Variants in ABI3BP observed in about 807,000 individuals in gnomAD.
ABI3BP encodes target of Nesh-SH3.
In ABI3BP, 216 loss-of-function variants were observed where a neutral mutation model predicts 268.6. The observed-to-expected ratio is 0.80, with a 90% CI of 0.72 to 0.90. ABI3BP has a LOEUF of 0.90. ABI3BP is among the 40% of genes least tolerant of loss of function. The pLI is 0.00. For synonymous variants in ABI3BP, 730 were observed against 730.0 expected, an observed-to-expected ratio of 1.00 and a Z score of 0.00; for missense variants, 2,090 against 2,182.4, an observed-to-expected ratio of 0.96 and a Z score of 0.84.
chr3:100,818,676 A>G, intron 40 of ABI3BP, 95 bp from the exon 41 acceptor site: 1 of 1,037,076 alleles, frequency 9.6e-7, no homozygotes, highest in African/African-American at 1.6e-5. Context: ...AATTTTAAGA[A>G]ATTTTCTGAA....
Position 100,865,664 on chromosome 3 carries a change from G to T in ABI3BP, c.989-757C>A, listed in dbSNP as rs550318464. On this transcript the variant is annotated intron_variant, in intron 10 of 67. Transcript: ENST00000471714. ...CAATAACCCTGAGTAATAAGTTGTG[G>T]TGTTTTCCTAAGTGTTTCTGAAGTG... Among the ~76,000 whole-genome samples the T allele has an allele frequency of 6.1e-4, 93 of 152,300 alleles. 2 individuals are homozygous for T. The South Asian group carries it at 0.019, about 31-fold the overall frequency.
chr3:100,845,086 TGA>T (rs1471928398), intron 20 of ABI3BP, among the ~76,000 whole-genome samples: 1 of 152,204 alleles, frequency 6.6e-6, no homozygotes, highest in Non-Finnish European at 1.5e-5. Flanking sequence ...ATAATTCATT[TGA>T]GAGAAACCTT....
chr3:100,977,536 C>G (rs1453108519), intron 1 of ABI3BP, among the ~76,000 whole-genome samples: 2 of 152,182 alleles, frequency 1.3e-5, no homozygotes, highest in Non-Finnish European at 2.9e-5. Flanking sequence ...AATCTAAGCC[C>G]TTCACCTTGT....
At chr3:100,886,739 C>T (rs893289257) in intron 4 of ABI3BP, among the ~76,000 whole-genome samples, 5 of 151,638 alleles carry the variant, frequency 3.3e-5, no homozygotes, top group Non-Finnish European at 7.4e-5. Context: ...GCTTTTTCAT[C>T]CATGAAGGAT....
intron 15 of ABI3BP, among the ~76,000 whole-genome samples, chr3:100,851,215 A>G (rs2098834059): frequency 6.6e-6 from 1 of 152,340 alleles, no homozygotes; most frequent in Admixed American, 6.5e-5. Flanking sequence ...TTTGATAAAC[A>G]TTTGCTGAAA....
intron 4 of ABI3BP, among the ~76,000 whole-genome samples, chr3:100,888,342 C>T (rs181442795): frequency 1.1e-3 from 161 of 152,162 alleles, no homozygotes; most frequent in African/African-American, 3.4e-3. Context: ...TTGACAAATA[C>T]GCTGCATGAA....
At chr3:100,784,922 T>C (rs1279572744) in intron 57 of ABI3BP, among the ~76,000 whole-genome samples, 4 of 152,104 alleles carry the variant, frequency 2.6e-5, no homozygotes, top group Admixed American at 2.6e-4. Context: ...AAACTACAAC[T>C]TATTAGGTAC....
At chr3:100,969,973 T>C (rs555826775) in intron 1 of ABI3BP, among the ~76,000 whole-genome samples, 5 of 152,318 alleles carry the variant, frequency 3.3e-5, no homozygotes, top group Non-Finnish European at 7.4e-5. Context: ...AATTTCATGT[T>C]ACATAGGAGT....
chr3:100,919,322 T>A (rs1021270294), intron 2 of ABI3BP, among the ~76,000 whole-genome samples: 15 of 152,320 alleles, frequency 9.8e-5, no homozygotes, highest in Admixed American at 5.2e-4. Flanking sequence ...TATTTTATAT[T>A]TCATCCCACT....
intron 27 of ABI3BP, among the ~76,000 whole-genome samples, chr3:100,835,950 T>G (rs2098578795): frequency 1.3e-5 from 2 of 152,180 alleles, no homozygotes; most frequent in Admixed American, 6.5e-5. Context: ...TTGTCCAATA[T>G]ATAATTTTAA....
At chr3:100,789,335 G>C (rs559991967) in intron 56 of ABI3BP, 119 bp downstream of exon 56, 1 of 881,790 alleles carries the variant, frequency 1.1e-6, no homozygotes, top group East Asian at 2.7e-5. Context: ...ACAGATCAGA[G>C]TCTCTGTACA....
chr3:100,849,091 T>C (rs1407931456), intron 17 of ABI3BP, among the ~76,000 whole-genome samples: 2 of 149,878 alleles, frequency 1.3e-5, no homozygotes, highest in Non-Finnish European at 3.0e-5. Context: ...GAATTGAAGA[T>C]ATACATTGTT....
intron 1 of ABI3BP, among the ~76,000 whole-genome samples, chr3:100,927,139 T>C (rs1378104656): frequency 6.6e-6 from 1 of 152,052 alleles, no homozygotes; most frequent in African/African-American, 2.4e-5. Context: ...AGCTTATAAG[T>C]GATAATTGGA....
rs1288815610 is a variant in ABI3BP at position 100,953,976 on chromosome 3, T to G, written c.80-27495A>C. On this transcript the variant is annotated intron_variant, in intron 1 of 67. Transcript: ENST00000471714. Reference sequence around the variant, plus strand: ...TAATTGTAACTATTCTCCCTCCCTCTTGGGGCCAGACTGTAGATTAGCTCT... The same window carrying G: ...TAATTGTAACTATTCTCCCTCCCTCGTGGGGCCAGACTGTAGATTAGCTCT... Among the ~76,000 whole-genome samples, 6 of 152,306 alleles carry G rather than the reference T, an allele frequency of 3.9e-5. No individual in the cohort carries two copies. In the East Asian group the frequency reaches 1.2e-3, roughly 29 times the overall value.
intron 49 of ABI3BP, among the ~76,000 whole-genome samples, chr3:100,809,650 A>C (rs1443194355): frequency 6.6e-6 from 1 of 152,058 alleles, no homozygotes; most frequent in African/African-American, 2.4e-5. Context: ...CAATGAGTAA[A>C]CTTAAAATCC....
intron 48 of ABI3BP, among the ~76,000 whole-genome samples, 154 bp from the exon 49 acceptor site, chr3:100,810,631 T>G (rs1230681824): frequency 2.6e-5 from 4 of 151,964 alleles, no homozygotes; most frequent in African/African-American, 9.7e-5. Flanking sequence ...CATAATGCAT[T>G]TGGTTAAAAA....
chr3:100,886,187 C>T lies in ABI3BP; in HGVS notation c.598G>A (p.Gly200Ser), dbSNP rs1432821715. 1.9e-6 allele frequency: 3 copies of T among 1,602,840 alleles called. No individual in the cohort carries two copies. Among genetic ancestry groups the T allele is most frequent in the Non-Finnish European group, 2.6e-6 (3 of 1,174,648 alleles). The change falls in exon 5 of 68, where the codon GGT (glycine) becomes AGT (serine). Residue 200 changes from glycine (G) to serine (S), a missense_variant. Coordinates refer to ENST00000471714, the MANE Select transcript of ABI3BP (RefSeq NM_001375547.2). The part of the protein sequence containing the change: ...YEFGVKDNVE[G>S]GIWSKIFNHK... ...TTGAAAATCTTACTCCAAATTCCAC[C>T]TTCCACATTGTCTTTCACTCCAAAT...
intron 13 of ABI3BP, chr3:100,862,631 G>A (rs570138339): frequency 5.1e-5 from 30 of 583,912 alleles, no homozygotes; most frequent in Admixed American, 2.3e-4. Context: ...AAAAAGCTAA[G>A]TGGATTATGT....
At chr3:100,843,554 A>G (rs994160922) in intron 20 of ABI3BP, 1 of 967,416 alleles carries the variant, frequency 1.0e-6, no homozygotes, top group African/African-American at 1.8e-5. Flanking sequence ...AGAGAGAGAG[A>G]GAGAGAGAGA....
Sources: gnomAD v4.1 joint callset for allele counts (sites outside exome capture counted in the v4.1 genomes callset) on GRCh38, gnomAD v4.1.1 for gene constraint, MANE v1.5 for transcripts, NCBI Gene and HGNC (gene_info 2026-07-23, HGNC 2026-07-21) for gene names.